Variants in GNAS observed in about 807,000 individuals in gnomAD.
GNAS encodes GNAS complex locus, also known as protein ALEX.
GNAS carries 8 observed loss-of-function variants against 54.5 expected under a neutral mutation model. That is an observed-to-expected ratio of 0.15 (90% CI 0.09 to 0.26). The LOEUF (loss-of-function observed/expected upper bound fraction) is 0.26, where lower values mean the gene tolerates loss of function less well. Among genes scored for constraint, GNAS ranks in the 10% least tolerant of loss-of-function variants. GNAS has a pLI of 1.00. For missense variants in GNAS, 170 were observed against 529.8 expected, an observed-to-expected ratio of 0.32 and a Z score of 6.67; for synonymous variants, 204 against 191.4, an observed-to-expected ratio of 1.07 and a Z score of -0.54.
At chr20:58,871,072 T>C (rs1051474222) in intron 1 of GNAS, among the ~76,000 whole-genome samples, 7 of 152,202 alleles carry the variant, frequency 4.6e-5, no homozygotes, top group Non-Finnish European at 1.0e-4. Context: ...CTTAGAGCTC[T>C]TCCATGTTCG....
intron 2 of GNAS, among the ~76,000 whole-genome samples, chr20:58,896,999 G>T (rs561091251): frequency 6.6e-6 from 1 of 152,304 alleles, no homozygotes; most frequent in South Asian, 2.1e-4. Context: ...GAGAATTCTA[G>T]AATTTGTTAG....
intron 1 of GNAS, 69 bp from the exon 2 acceptor site, chr20:58,895,543 C>G (rs572680681): frequency 3.2e-6 from 3 of 925,778 alleles, no homozygotes; most frequent in Non-Finnish European, 5.4e-6. Flanking sequence ...AAAACAACAA[C>G]AGCAGACCTC....
In GNAS at chr20:58,891,706, CCCGCCGCCGCCG is replaced by C. The variant is rs745433225; in HGVS notation, c.-12_-1del. 2.8e-6 allele frequency: 3 copies of C among 1,062,804 alleles called. No individual in the cohort carries two copies. The highest frequency in any genetic ancestry group is 2.7e-5 in the South Asian group (1 of 37,596). 65.8% of individuals were successfully genotyped at this position (1,062,804 alleles called of 1,614,324 possible). The stretch of plus-strand genomic sequence containing the variant: ...CGCCGCCGCCGCAGCCCGGCCGCGC[CCCGCCGCCGCCG>C]CCGCCGCCATGGGCTGCCTCGGGAA... On this transcript the variant is annotated 5_prime_UTR_variant, in exon 1 of 13. Coordinates refer to ENST00000371085, the MANE Select transcript of GNAS (RefSeq NM_000516.7).
chr20:58,910,856 G>T lies in GNAS; in HGVS notation c.*27G>T. ...AAGGGAACCCCCAAATTTAATTAAAGCCTTAAGCACAATTAATTAAAAGTG... is the reference window on the plus strand; with the variant it reads ...AAGGGAACCCCCAAATTTAATTAAATCCTTAAGCACAATTAATTAAAAGTG... On this transcript the variant is annotated 3_prime_UTR_variant, in exon 13 of 13. Transcript: ENST00000371085. This position sits in a 1 kb window ranked among gnomAD's most constrained non-coding sequence, Gnocchi z 5.8. The T allele has an allele frequency of 1.2e-6, 2 of 1,604,584 alleles. No individual in the cohort carries two copies. Among genetic ancestry groups the T allele is most frequent in the South Asian group, 1.1e-5 (1 of 90,916 alleles).
At position 58,891,560 on chromosome 20, in the gene GNAS, C is replaced by T. The variant is rs891851561; in HGVS notation, c.-167C>T. On this transcript the variant is annotated 5_prime_UTR_variant, in exon 1 of 13. Coordinates refer to ENST00000371085, the MANE Select transcript of GNAS (RefSeq NM_000516.7). Reference sequence around the variant, plus strand: ...CCTCCCCTTCCCGCCCGTCCGCGCGCCCCGCGGCCCGCGGCCCGCAGTCCG... The same window carrying T: ...CCTCCCCTTCCCGCCCGTCCGCGCGTCCCGCGGCCCGCGGCCCGCAGTCCG... 3 of 973,626 alleles carry T rather than the reference C, an allele frequency of 3.1e-6. No individual in the cohort carries two copies. Among genetic ancestry groups the T allele is most frequent in the Non-Finnish European group, 3.6e-6 (3 of 822,818 alleles). 60.3% of individuals were successfully genotyped at this position (973,626 alleles called of 1,614,324 possible).
chr20:58,894,000 C>T (rs12481583), intron 1 of GNAS, among the ~76,000 whole-genome samples: 48,205 of 152,222 alleles, frequency 0.32, 9,693 homozygotes, highest in East Asian at 0.68. Flanking sequence ...GAATCTGCAG[C>T]TTAAGCCAGT....
chr20:58,892,995 C>T, intron 1 of GNAS, among the ~76,000 whole-genome samples: 1 of 147,638 alleles, frequency 6.8e-6, no homozygotes, highest in South Asian at 2.2e-4. Flanking sequence ...CAAAGACATT[C>T]ACAAATCAGA....
chr20:58,854,401 G>C, intron 1 of GNAS: 1 of 1,566,194 alleles, frequency 6.4e-7, no homozygotes, highest in Non-Finnish European at 8.6e-7. Flanking sequence ...CCGGGGTACG[G>C]ATCCCCTGCC....
At chr20:58,892,735 A>G (rs1392306345) in intron 1 of GNAS, among the ~76,000 whole-genome samples, 2 of 152,044 alleles carry the variant, frequency 1.3e-5, no homozygotes, top group Admixed American at 6.5e-5. Flanking sequence ...CCCCAACACC[A>G]AAAAATGGAT....
intron 1 of GNAS, among the ~76,000 whole-genome samples, chr20:58,872,018 C>T (rs928757559): frequency 2.6e-5 from 4 of 152,060 alleles, no homozygotes; most frequent in African/African-American, 9.7e-5. Context: ...GCTGGGGCAT[C>T]CTCTCCTCCC....
intron 1 of GNAS, among the ~76,000 whole-genome samples, chr20:58,879,244 C>T (rs1490548994): frequency 6.6e-6 from 1 of 152,172 alleles, no homozygotes; most frequent in African/African-American, 2.4e-5. Flanking sequence ...AGCCTCCAAG[C>T]CACTTTCTGG....
upstream of GNAS, chr20:58,840,450 C>A: frequency 6.2e-7 from 1 of 1,613,494 alleles, no homozygotes. This position sits in a 1 kb window ranked among gnomAD's most constrained non-coding sequence, Gnocchi z 6.0. Context: ...GAGAGCGAGA[C>A]CGAGTCCGAA....
rs550848950 is a variant in GNAS, at chr20:58,842,235, A to C, written c.43+1349A>C. 19 of 398,540 alleles carry C rather than the reference A, an allele frequency of 4.8e-5. No individual in the cohort carries two copies. In the South Asian group the frequency reaches 2.3e-3, roughly 49 times the overall value. 24.7% of individuals were successfully genotyped at this position (398,540 alleles called of 1,614,324 possible). A position where few individuals can be genotyped will look rare whatever the true frequency, so the allele number is the denominator to read the frequency against. ...GCCAGTCCTGGGGGGAAAGACTGAT[A>C]AGTGAAATGTCTTTAAAAAATCTCA... is the stretch of plus-strand genomic sequence containing the variant. On this transcript the variant is annotated intron_variant, in intron 1 of 12. Transcript: ENST00000306090.
intron 2 of GNAS, among the ~76,000 whole-genome samples, chr20:58,896,589 G>GC (rs769381526): frequency 1.2e-3 from 181 of 151,340 alleles, no homozygotes; most frequent in Non-Finnish European, 2.2e-3. Context: ...CCCAGATGGG[G>GC]CCTACCCATC....
Position 58,853,310 on chromosome 20 carries a change from A to G in GNAS, c.43+12424A>G, listed in dbSNP as rs1413273877. On this transcript the variant is annotated intron_variant, in intron 1 of 12. Transcript: ENST00000306090. The surrounding 1 kb of genome is among the most constrained non-coding windows in gnomAD (Gnocchi z 4.4). The stretch of plus-strand genomic sequence containing the variant: ...TCTACGGCAATAATATGTCAGGACA[A>G]CGCGATATCCCCCCTGAAATCGGGG... 1 of 1,550,410 alleles carries G rather than the reference A, an allele frequency of 6.4e-7. No homozygotes were observed. Among genetic ancestry groups the G allele is most frequent in the East Asian group, 2.4e-5 (1 of 40,908 alleles).
At chr20:58,892,255 C>G in intron 1 of GNAS, 2 of 896,666 alleles carry the variant, frequency 2.2e-6, no homozygotes, top group South Asian at 5.1e-5. Context: ...GCTCCGGAGA[C>G]TGCGACAAAA....
chr20:58,902,700 A>G (rs1361403734), intron 3 of GNAS, among the ~76,000 whole-genome samples: 1 of 141,748 alleles, frequency 7.1e-6, no homozygotes, highest in Non-Finnish European at 1.5e-5. Context: ...TGCTAGCTGC[A>G]GTGCCTGGAG....
chr20:58,855,232 G>A (rs769085851), intron 1 of GNAS: 5 of 1,594,196 alleles, frequency 3.1e-6, no homozygotes, highest in East Asian at 2.3e-5. Flanking sequence ...CTGGAGAAGC[G>A]GGCCCAGAAG....
intron 3 of GNAS, chr20:58,900,015 A>G (rs1339414495): frequency 4.3e-6 from 3 of 695,372 alleles, no homozygotes; most frequent in Non-Finnish European, 8.0e-6. Context: ...CACAATTTGC[A>G]TGCTGGAATT....
Sources: gnomAD v4.1 joint callset for allele counts (sites outside exome capture counted in the v4.1 genomes callset) on GRCh38, gnomAD v4.1.1 for gene constraint, Gnocchi (gnomAD v3.1) non-coding constraint, MANE v1.5 for transcripts, NCBI Gene and HGNC (gene_info 2026-07-23, HGNC 2026-07-21) for gene names.